Variants in ETFA observed in about 807,000 individuals in gnomAD.
The protein encoded by ETFA is electron transfer flavoprotein subunit alpha, mitochondrial.
ETFA carries 22 observed loss-of-function variants against 46.2 expected under a neutral mutation model. That is an observed-to-expected ratio of 0.48 (90% CI 0.34 to 0.68). The LOEUF is 0.68. ETFA is among the 30% of genes least tolerant of loss of function. The pLI is 0.01. For missense variants in ETFA, 345 were observed against 401.1 expected (o/e 0.86, Z 1.19); for synonymous variants, 131 against 139.9 (o/e 0.94, Z 0.45).
intron 11 of ETFA, among the ~76,000 whole-genome samples, chr15:76,225,633 GAA>G (rs1364174482): frequency 6.6e-6 from 1 of 152,110 alleles, no homozygotes; most frequent in African/African-American, 2.4e-5. Context: ...TTCTTAAAAG[GAA>G]AGTTATAATG....
At chr15:76,224,209 C>T (rs1324954518) in intron 11 of ETFA, among the ~76,000 whole-genome samples, 6 of 152,026 alleles carry the variant, frequency 3.9e-5, no homozygotes, top group Admixed American at 6.5e-5. Flanking sequence ...TTTTTCATAC[C>T]AGCCCCCCTT....
At chr15:76,258,664 A>AC (rs1006737886) in intron 9 of ETFA, among the ~76,000 whole-genome samples, 3 of 151,872 alleles carry the variant, frequency 2.0e-5, no homozygotes, top group South Asian at 2.1e-4. Flanking sequence ...CTGGACCTGG[A>AC]CCCCCCACTG....
intron 9 of ETFA, among the ~76,000 whole-genome samples, chr15:76,233,856 GTCTT>G (rs1221049067): frequency 6.6e-6 from 1 of 152,198 alleles, no homozygotes; most frequent in African/African-American, 2.4e-5. Context: ...CTGTAAACGA[GTCTT>G]TCTGTCATAC....
chr15:76,244,105 G>A (rs930152808), intron 9 of ETFA, among the ~76,000 whole-genome samples: 1 of 152,038 alleles, frequency 6.6e-6, no homozygotes, highest in African/African-American at 2.4e-5. Flanking sequence ...GGCTGGTCTC[G>A]AACTGCCAAC....
Position 76,292,478 on chromosome 15 carries a change from G to C in ETFA, c.304C>G (p.Gln102Glu), listed in dbSNP as rs1431770017. 6.2e-7 allele frequency: 1 copy of C among 1,613,870 alleles called. No individual in the cohort carries two copies. The highest frequency in any genetic ancestry group is 1.3e-5 in the African/African-American group (1 of 75,034). ...LTPLILATQK[Q>E]FNYTHICAGA... is the part of the protein sequence containing the mutation. ...GCACAGATGTGTGTGTAATTGAACT[G>C]CTTCTGAGTTGCCAAAATCAATGGT... The change falls in exon 4 of 12, where the codon CAG becomes GAG. Residue 102 changes from glutamine (Q) to glutamate (E), a missense_variant. Physicochemically the swap from Gln to Glu is conservative, Grantham distance 29 (BLOSUM62 2). Transcript: ENST00000557943.
rs529137410 is a variant in ETFA, at chr15:76,283,644, C to T, written c.733+113G>A. ...GTTCAGAGAGAAAAACTGAAAAATC[C>T]GGAAAAGTAAAATAATTTGTAGGGC... On this transcript the variant is annotated intron_variant, in intron 8 of 11. Coordinates refer to ENST00000557943, the MANE Select transcript of ETFA (RefSeq NM_000126.4). The T allele has an allele frequency of 2.8e-3, 2,321 of 818,204 alleles. 8 individuals are homozygous for T. The highest frequency in any genetic ancestry group is 2.5e-3 in the Non-Finnish European group (1,265 of 501,510). The allele number at this position is 818,204 out of a possible 1,614,324, so 50.7% of individuals were successfully genotyped here. A position where few individuals can be genotyped will look rare whatever the true frequency, so the allele number is the denominator to read the frequency against.
At chr15:76,304,912 G>T (rs138139478) in intron 1 of ETFA, among the ~76,000 whole-genome samples, 5 of 151,722 alleles carry the variant, frequency 3.3e-5, no homozygotes, top group Admixed American at 3.3e-4. Flanking sequence ...GCGTGGTGGC[G>T]GGCACCTGTA....
intron 4 of ETFA, among the ~76,000 whole-genome samples, chr15:76,288,920 C>CTTTTTCTTTTT (rs1555458856): frequency 6.8e-4 from 75 of 110,092 alleles, no homozygotes; most frequent in African/African-American, 2.4e-3. Context: ...TCTTCTTCTT[C>CTTTTTCTTTTT]TTTTTTTTTT....
chr15:76,301,829 A>C (rs1438137600), intron 1 of ETFA, among the ~76,000 whole-genome samples: 6 of 152,150 alleles, frequency 3.9e-5, no homozygotes, highest in Non-Finnish European at 7.4e-5. Flanking sequence ...AAAAAAAATA[A>C]AGAACCCTTA....
chr15:76,242,127 G>T (rs926606806), intron 9 of ETFA, among the ~76,000 whole-genome samples: 2 of 152,108 alleles, frequency 1.3e-5, no homozygotes, highest in African/African-American at 4.8e-5. Flanking sequence ...GAGCCACTTC[G>T]CCTGGCCAAC....
intron 9 of ETFA, among the ~76,000 whole-genome samples, chr15:76,263,597 C>T (rs966197627): frequency 2.0e-5 from 3 of 152,140 alleles, no homozygotes; most frequent in African/African-American, 7.2e-5. Context: ...CAGTTTTGCC[C>T]ATGGTTTCCG....
At chr15:76,280,975 G>A (rs1158527813) in intron 8 of ETFA, among the ~76,000 whole-genome samples, 1 of 145,556 alleles carries the variant, frequency 6.9e-6, no homozygotes, top group African/African-American at 2.6e-5. Context: ...GAGTACAGTG[G>A]CACAATCTTA....
intron 1 of ETFA, among the ~76,000 whole-genome samples, chr15:76,304,682 G>T (rs1211920725): frequency 6.7e-6 from 1 of 149,734 alleles, no homozygotes; most frequent in African/African-American, 2.5e-5. Flanking sequence ...AAAAAAAATT[G>T]GGGGAAAAAA....
intron 9 of ETFA, among the ~76,000 whole-genome samples, chr15:76,245,535 AAG>A (rs2039235214): frequency 6.6e-6 from 1 of 152,234 alleles, no homozygotes; most frequent in Non-Finnish European, 1.5e-5. Context: ...GAATTTTCAA[AAG>A]AGAACCCAGA....
chr15:76,240,484 G>C (rs2039174264), intron 9 of ETFA, among the ~76,000 whole-genome samples: 1 of 152,122 alleles, frequency 6.6e-6, no homozygotes, highest in Non-Finnish European at 1.5e-5. Context: ...TATATCACTA[G>C]CACACACTTC....
intron 1 of ETFA, among the ~76,000 whole-genome samples, chr15:76,302,097 T>G (rs1388582891): frequency 6.6e-6 from 1 of 152,210 alleles, no homozygotes; most frequent in Non-Finnish European, 1.5e-5. Context: ...AAATGCAAAC[T>G]GGTGCAGCCA....
intron 9 of ETFA, chr15:76,259,109 G>A: frequency 1.3e-6 from 2 of 1,527,440 alleles, no homozygotes; most frequent in Non-Finnish European, 1.8e-6. Flanking sequence ...CAGGGGTGAG[G>A]ATGTATCAAC....
chr15:76,306,508 C>A (rs759733174), intron 1 of ETFA, among the ~76,000 whole-genome samples: 10 of 151,920 alleles, frequency 6.6e-5, no homozygotes, highest in African/African-American at 9.7e-5. Flanking sequence ...TCGTGATCCA[C>A]CCACCTCAGC....
intron 4 of ETFA, among the ~76,000 whole-genome samples, chr15:76,289,416 G>A (rs904940227): frequency 6.6e-6 from 1 of 152,116 alleles, no homozygotes; most frequent in Non-Finnish European, 1.5e-5. Context: ...TCTTTTAAAA[G>A]TTTTAGAACT....
Sources: gnomAD v4.1 joint callset for allele counts (sites outside exome capture counted in the v4.1 genomes callset) on GRCh38, gnomAD v4.1.1 for gene constraint, MANE v1.5 for transcripts, NCBI Gene and HGNC (gene_info 2026-07-23, HGNC 2026-07-21) for gene names.